Variants in PRKAR1A observed in about 807,000 individuals in gnomAD.
PRKAR1A encodes the protein cAMP-dependent protein kinase type I-alpha regulatory subunit.
Under a neutral mutation model 52.0 loss-of-function variants are expected in PRKAR1A, and 3 were observed. The observed-to-expected ratio is 0.06, with a 90% CI of 0.03 to 0.15. The LOEUF is 0.15. Among genes scored for constraint, PRKAR1A ranks in the 10% least tolerant of loss-of-function variants. PRKAR1A has a pLI of 1.00. For synonymous variants in PRKAR1A, 188 were observed against 168.4 expected (o/e 1.12, Z -0.90); for missense variants, 240 against 477.4 (o/e 0.50, Z 4.63).
chr17:68,518,878 C>T (rs1031100521), intron 2 of PRKAR1A, among the ~76,000 whole-genome samples: 1 of 152,216 alleles, frequency 6.6e-6, no homozygotes, highest in Admixed American at 6.5e-5. Context: ...ACCGGATACC[C>T]TAAATCATTT....
chr17:68,528,353 T>C (rs1278726200), intron 8 of PRKAR1A, among the ~76,000 whole-genome samples: 1 of 152,240 alleles, frequency 6.6e-6, no homozygotes, highest in Non-Finnish European at 1.5e-5. Flanking sequence ...ACAGTGAATT[T>C]TTCACCTCTT....
chr17:68,462,005 G>A, the PRKAR1A span, among the ~76,000 whole-genome samples: 1 of 152,180 alleles, frequency 6.6e-6, no homozygotes, highest in African/African-American at 2.4e-5. Context: ...GCCCTATCAT[G>A]TGCCCTTGTC....
the PRKAR1A span, chr17:68,430,312 G>T: frequency 1.4e-6 from 1 of 716,868 alleles, no homozygotes; most frequent in Admixed American, 3.1e-5. Flanking sequence ...AACAATCCAG[G>T]ACGTATTATT....
chr17:68,536,739 T>A (rs1351625475), downstream of PRKAR1A: 1 of 454,126 alleles, frequency 2.2e-6, no homozygotes, highest in East Asian at 6.9e-5. Flanking sequence ...CTTTCCTTTT[T>A]TTTTCCTTCG....
chr17:68,473,105 G>A, the PRKAR1A span, among the ~76,000 whole-genome samples: 1 of 152,012 alleles, frequency 6.6e-6, no homozygotes, highest in Non-Finnish European at 1.5e-5. Flanking sequence ...GCCTCTCTTG[G>A]CAAATGCTGG....
downstream of PRKAR1A, chr17:68,536,614 C>G: frequency 2.2e-6 from 1 of 452,358 alleles, no homozygotes; most frequent in Non-Finnish European, 4.4e-6. Flanking sequence ...ATCCTGGGGT[C>G]TTAGGGAAGA....
the PRKAR1A span, among the ~76,000 whole-genome samples, chr17:68,486,465 CTT>C: frequency 0.016 from 2,232 of 137,994 alleles, 97 homozygotes; most frequent in African/African-American, 0.024. Context: ...TTCTTTCTTT[CTT>C]TCTCTCCTTC....
At chr17:68,450,647 A>T in the PRKAR1A span, 7 of 1,503,474 alleles carry the variant, frequency 4.7e-6, no homozygotes, top group Non-Finnish European at 6.3e-6. Flanking sequence ...TTTTACAGAC[A>T]TTGATCTTGA....
At chr17:68,506,267 T>C in the PRKAR1A span, among the ~76,000 whole-genome samples, 1 of 151,814 alleles carries the variant, frequency 6.6e-6, no homozygotes. Flanking sequence ...TCCTTAGAAA[T>C]CCATGCTCTC....
chr17:68,546,706 T>C (rs2086584515), intron 11 of PRKAR1A, among the ~76,000 whole-genome samples: 1 of 151,904 alleles, frequency 6.6e-6, no homozygotes, highest in African/African-American at 2.4e-5. Context: ...GGCCGGCGCC[T>C]GTAGTCCCAG....
At chr17:68,478,115 C>A in the PRKAR1A span, among the ~76,000 whole-genome samples, 1 of 152,192 alleles carries the variant, frequency 6.6e-6, no homozygotes, top group Admixed American at 6.5e-5. Flanking sequence ...TATGTTTTCA[C>A]ATGTTCTTTG....
At chr17:68,441,709 AC>A in the PRKAR1A span, among the ~76,000 whole-genome samples, 1 of 152,120 alleles carries the variant, frequency 6.6e-6, no homozygotes, top group Non-Finnish European at 1.5e-5. Context: ...ACCTTTGCCC[AC>A]CCAGGCCACA....
At chr17:68,538,508 T>C (rs534427680) in intron 11 of PRKAR1A, among the ~76,000 whole-genome samples, 1 of 152,340 alleles carries the variant, frequency 6.6e-6, no homozygotes, top group African/African-American at 2.4e-5. Context: ...GAGCAGGTGG[T>C]CAATTTTACA....
chr17:68,458,487 C>G, the PRKAR1A span, among the ~76,000 whole-genome samples: 1 of 152,094 alleles, frequency 6.6e-6, no homozygotes. Flanking sequence ...GGGGGAAGCA[C>G]CTTTGATCTG....
At chr17:68,525,619 G>T (rs2085765192) in intron 6 of PRKAR1A, 135 bp from the exon 7 acceptor site, 2 of 911,622 alleles carry the variant, frequency 2.2e-6, no homozygotes, top group Non-Finnish European at 1.8e-6. Context: ...TCTCTGTTGT[G>T]TACTGCAAAC....
chr17:68,551,233 T>A (rs2086820522), exon 12 of PRKAR1A: 1 of 851,656 alleles, frequency 1.2e-6, no homozygotes, highest in Non-Finnish European at 1.6e-6. Context: ...ATACATATTA[T>A]TTCACTCATC....
the PRKAR1A span, among the ~76,000 whole-genome samples, chr17:68,491,082 A>ATTTCTTTC: frequency 2.1e-5 from 3 of 141,002 alleles, no homozygotes; most frequent in South Asian, 4.5e-4. Flanking sequence ...AAAAATGATT[A>ATTTCTTTC]TTTCTTTCTT....
intron 11 of PRKAR1A, chr17:68,540,968 A>T: frequency 6.4e-7 from 1 of 1,573,856 alleles, no homozygotes; most frequent in Non-Finnish European, 8.6e-7. Context: ...CCTGAGGGGG[A>T]GAAGAAGTCC....
chr17:68,540,853 CAA>C (rs769616744), intron 11 of PRKAR1A: 1 of 1,598,406 alleles, frequency 6.3e-7, no homozygotes, highest in African/African-American at 1.3e-5. Flanking sequence ...ACCTACCTAT[CAA>C]GAAGTCGAAG....
Sources: allele counts gnomAD v4.1 joint callset (sites outside exome capture counted in the v4.1 genomes callset), GRCh38; gene constraint gnomAD v4.1.1; transcripts MANE v1.5; gene names NCBI Gene and HGNC (gene_info 2026-07-23, HGNC 2026-07-21).